Variants in CHFR observed in about 807,000 individuals in gnomAD.
CHFR encodes the protein E3 ubiquitin-protein ligase CHFR.
In CHFR, 57 loss-of-function variants were observed where a neutral mutation model predicts 87.6. The ratio of observed to expected loss-of-function variants is 0.65; its 90% CI spans 0.53 to 0.81. The LOEUF (loss-of-function observed/expected upper bound fraction) is 0.81, where lower values mean the gene tolerates loss of function less well. Among genes scored for constraint, CHFR ranks in the 30% least tolerant of loss-of-function variants. The pLI is 0.00. For synonymous variants in CHFR, 381 were observed against 359.2 expected (o/e 1.06, Z -0.69); for missense variants, 797 against 865.8 (o/e 0.92, Z 1.00).
chr12:132,859,832 A>AG (rs1951175621), intron 7 of CHFR, among the ~76,000 whole-genome samples: 1 of 152,180 alleles, frequency 6.6e-6, no homozygotes, highest in Non-Finnish European at 1.5e-5. Flanking sequence ...GCTTGAGCCC[A>AG]GGAGTTCAAG....
chr12:132,877,245 G>A (rs527533791), intron 3 of CHFR, among the ~76,000 whole-genome samples: 3 of 152,176 alleles, frequency 2.0e-5, no homozygotes, highest in Admixed American at 6.5e-5. Context: ...GTAGCACGCT[G>A]TATAGGTTGA....
At position 132,839,905 on chromosome 12, in the gene CHFR, GC is replaced by G. The variant is rs1296435999; in HGVS notation, c.*1648del. On this transcript the variant is annotated 3_prime_UTR_variant, in exon 18 of 18. Coordinates refer to ENST00000450056, the MANE Select transcript of CHFR (RefSeq NM_001161346.2). ...GACCTCCCTGCTCAGCCTCACCCCT[GC>G]ACAAACTTGGGACCTCCCCCTTAGC... 1 of 128,936 alleles carries G rather than the reference GC, an allele frequency of 7.8e-6. No homozygotes were observed. The highest frequency in any genetic ancestry group is 1.6e-5 in the Non-Finnish European group (1 of 64,308). 8.0% of individuals were successfully genotyped at this position (128,936 alleles called of 1,614,324 possible). A position where few individuals can be genotyped will look rare whatever the true frequency, so the allele number is the denominator to read the frequency against.
At position 132,857,529 on chromosome 12, in the gene CHFR, C is replaced by T. The variant is rs766660009; in HGVS notation, c.942G>A (p.Ala314=). ...GCTCCATCCAGCCCGAGTAGCAAGCCGCGCAGAACGTGTGCATGCAGGGCT... is the reference window on the plus strand; with the variant it reads ...GCTCCATCCAGCCCGAGTAGCAAGCTGCGCAGAACGTGTGCATGCAGGGCT... ...SLQPCMHTFC[A]ACYSGWMERS... The change falls in exon 9 of 18, where the codon GCG becomes GCA. Residue 314 remains alanine, a synonymous_variant. Coordinates refer to ENST00000450056, the MANE Select transcript of CHFR (RefSeq NM_001161346.2). The T allele has an allele frequency of 9.3e-6, 15 of 1,614,112 alleles. No homozygotes were observed. The highest frequency in any genetic ancestry group is 7.7e-5 in the South Asian group (7 of 91,088).
At chr12:132,862,098 C>T (rs943729805) in intron 6 of CHFR, among the ~76,000 whole-genome samples, 1 of 152,048 alleles carries the variant, frequency 6.6e-6, no homozygotes, top group Admixed American at 6.6e-5. Flanking sequence ...CATGGTGAAA[C>T]CCCATCTCTA....
chr12:132,865,501 T>C (rs749514804), intron 6 of CHFR, among the ~76,000 whole-genome samples: 5 of 151,808 alleles, frequency 3.3e-5, no homozygotes, highest in Non-Finnish European at 7.4e-5. Context: ...GCTTCCTGAG[T>C]AGCTGGGACT....
chr12:132,841,681 T>C, intron 17 of CHFR, 85 bp from the exon 18 acceptor site: 2 of 1,123,342 alleles, frequency 1.8e-6, no homozygotes, highest in Non-Finnish European at 1.4e-6. Flanking sequence ...CAGAAAGGCA[T>C]TCAAATAAAC....
rs1156419163 is a variant in CHFR, at chr12:132,841,433, G to A, written c.*121C>T. The A allele has an allele frequency of 1.2e-5, 10 of 861,078 alleles. No individual in the cohort carries two copies. Among genetic ancestry groups the A allele is most frequent in the South Asian group, 4.1e-5 (3 of 72,418 alleles). The allele number at this position is 861,078 out of a possible 1,614,324, so 53.3% of individuals were successfully genotyped here. On this transcript the variant is annotated 3_prime_UTR_variant, in exon 18 of 18. Coordinates refer to ENST00000450056, the MANE Select transcript of CHFR (RefSeq NM_001161346.2). The stretch of plus-strand genomic sequence containing the variant: ...GAAGAGTCACCCCAGAGCACCTGTC[G>A]GAGACCCTGCGTCCCTTCCCTCAGG...
chr12:132,833,859 A>T lies in CHFR; in HGVS notation c.*7695T>A, dbSNP rs181805118. On this transcript the variant is annotated 3_prime_UTR_variant, in exon 18 of 18. Coordinates refer to ENST00000450056, the MANE Select transcript of CHFR (RefSeq NM_001161346.2). ...AAGAAAAAAAAGGAATCATGCAGGT[A>T]CTGGTGGGAACAGTGTCCCAGGAGA... 316 of 152,492 alleles carry T rather than the reference A, an allele frequency of 2.1e-3. 2 individuals are homozygous for T. The highest frequency in any genetic ancestry group is 3.5e-3 in the Non-Finnish European group (240 of 68,142). 9.4% of individuals were successfully genotyped at this position (152,492 alleles called of 1,614,324 possible). A position where few individuals can be genotyped will look rare whatever the true frequency, so the allele number is the denominator to read the frequency against.
intron 3 of CHFR, among the ~76,000 whole-genome samples, chr12:132,874,096 T>C (rs536115756): frequency 6.6e-6 from 1 of 152,322 alleles, no homozygotes; most frequent in Admixed American, 6.5e-5. Context: ...CCCTGGAGCC[T>C]CCAGAAGAAA....
chr12:132,852,235 G>A (rs111825998), intron 11 of CHFR, among the ~76,000 whole-genome samples: 6 of 151,462 alleles, frequency 4.0e-5, no homozygotes, highest in Admixed American at 1.3e-4. Flanking sequence ...TGATCCGCCC[G>A]CCTCGGCCTC....
chr12:132,845,231 G>A (rs949978245), intron 15 of CHFR, among the ~76,000 whole-genome samples: 3 of 151,760 alleles, frequency 2.0e-5, no homozygotes, highest in Admixed American at 6.6e-5. Flanking sequence ...CGAGGCAGGC[G>A]GATCACAAGG....
chr12:132,859,251 T>C, intron 7 of CHFR, 24 bp from the exon 8 acceptor site: 1 of 1,596,492 alleles, frequency 6.3e-7, no homozygotes, highest in African/African-American at 1.3e-5. Context: ...GGATGTGTTC[T>C]GTCGTAACCA....
chr12:132,857,298 GC>G (rs1951101649), intron 9 of CHFR, 106 bp downstream of exon 9: 4 of 1,069,058 alleles, frequency 3.7e-6, no homozygotes, highest in Non-Finnish European at 4.0e-6. Flanking sequence ...TGGAGGGACA[GC>G]CCTCACGTGC....
chr12:132,860,812 GCA>G (rs1951194160), intron 7 of CHFR, among the ~76,000 whole-genome samples: 1 of 152,186 alleles, frequency 6.6e-6, no homozygotes, highest in Admixed American at 6.5e-5. Flanking sequence ...CAGTGCAATG[GCA>G]CAGTCTTGGC....
chr12:132,885,794 T>C (rs933534126), intron 2 of CHFR, among the ~76,000 whole-genome samples: 5 of 152,112 alleles, frequency 3.3e-5, no homozygotes, highest in Non-Finnish European at 5.9e-5. Flanking sequence ...TAGCCCAGAG[T>C]AATGTGTTGA....
intron 16 of CHFR, among the ~76,000 whole-genome samples, chr12:132,843,589 T>C (rs1282101149): frequency 1.3e-5 from 2 of 152,188 alleles, no homozygotes; most frequent in Admixed American, 1.3e-4. Flanking sequence ...CACAGCCCTG[T>C]ATGGCCTGAC....
intron 3 of CHFR, among the ~76,000 whole-genome samples, chr12:132,874,462 G>A (rs991713491): frequency 1.3e-5 from 2 of 150,826 alleles, no homozygotes; most frequent in Non-Finnish European, 3.0e-5. Flanking sequence ...GGAAGGCCCA[G>A]GACCAGCACC....
rs529598415 is a variant in CHFR, at chr12:132,864,768, G to A, written c.584-3134C>T. 1.1e-4 allele frequency among the ~76,000 whole-genome samples: 17 copies of A among 152,244 alleles called. 1 individual carries two copies. In the South Asian group the frequency reaches 3.3e-3, roughly 30 times the overall value. On this transcript the variant is annotated intron_variant, in intron 6 of 17. Transcript: ENST00000450056. ...CTCCCAAAGTGCTGGGATTACAGGCGTAAGCCACCACACCCGGCCAGAAGA... is the reference window on the plus strand; with the variant it reads ...CTCCCAAAGTGCTGGGATTACAGGCATAAGCCACCACACCCGGCCAGAAGA...
chr12:132,859,364 T>A, intron 7 of CHFR, 137 bp from the exon 8 acceptor site: 2 of 874,602 alleles, frequency 2.3e-6, no homozygotes, highest in Non-Finnish European at 3.5e-6. Context: ...AGTCTTTTTT[T>A]TTTCGAGACA....
Sources: gnomAD v4.1 joint callset for allele counts (sites outside exome capture counted in the v4.1 genomes callset) on GRCh38, gnomAD v4.1.1 for gene constraint, MANE v1.5 for transcripts, NCBI Gene and HGNC (gene_info 2026-07-23, HGNC 2026-07-21) for gene names.